NEBL: variants seen among roughly 807,000 people sequenced by gnomAD.
NEBL encodes the protein LIM and SH3 protein 2.
NEBL carries 122 observed loss-of-function variants against 140.2 expected under a neutral mutation model. The observed-to-expected ratio is 0.87, with a 90% CI of 0.75 to 1.01. NEBL has a LOEUF of 1.01. Ranked by LOEUF, NEBL falls within the 50% of genes least tolerant of loss-of-function variation. The probability of loss-of-function intolerance (pLI) is 0.00; values close to 1 mark genes in which losing one functional copy is unlikely to be tolerated. For missense variants in NEBL, 1,365 were observed against 1,231.3 expected (o/e 1.11, Z -1.62); for synonymous variants, 436 against 398.9 (o/e 1.09, Z -1.11).
intron 1 of NEBL, among the ~76,000 whole-genome samples, chr10:21,287,794 C>T (rs896365815): frequency 1.3e-5 from 2 of 151,678 alleles, no homozygotes. Flanking sequence ...TCAACAACAA[C>T]AAAAAAATTG....
At chr10:21,253,253 A>G (rs932017008) in intron 1 of NEBL, among the ~76,000 whole-genome samples, 15 of 152,216 alleles carry the variant, frequency 9.9e-5, no homozygotes, top group African/African-American at 3.6e-4. Flanking sequence ...CCTGGGCGAC[A>G]AGAATGAAAC....
chr10:21,091,194 T>A (rs1344375016), intron 2 of NEBL, among the ~76,000 whole-genome samples: 2 of 152,206 alleles, frequency 1.3e-5, no homozygotes, highest in African/African-American at 4.8e-5. Flanking sequence ...AAGTTCGTGT[T>A]TCACATTTAG....
At chr10:21,033,416 T>C (rs1408609704) in intron 2 of NEBL, among the ~76,000 whole-genome samples, 1 of 152,254 alleles carries the variant, frequency 6.6e-6, no homozygotes, top group African/African-American at 2.4e-5. Flanking sequence ...AAAATAATTC[T>C]ATTTTTAAGA....
intron 4 of NEBL, among the ~76,000 whole-genome samples, chr10:20,918,910 G>A (rs563633991): frequency 2.7e-4 from 41 of 151,858 alleles, no homozygotes; most frequent in Admixed American, 1.1e-3. Flanking sequence ...TCTTAAAATC[G>A]TTCCCACTTA....
intron 4 of NEBL, among the ~76,000 whole-genome samples, chr10:20,933,721 G>T (rs1008072322): frequency 6.6e-6 from 1 of 152,228 alleles, no homozygotes; most frequent in Middle Eastern, 3.2e-3. Flanking sequence ...TTGGGTGACA[G>T]AGGGAGACTC....
intron 2 of NEBL, among the ~76,000 whole-genome samples, chr10:21,160,106 T>C (rs1336342137): frequency 2.0e-5 from 3 of 152,068 alleles, no homozygotes; most frequent in Non-Finnish European, 4.4e-5. Context: ...GCGACTGCTG[T>C]CTCCCATTCA....
intron 2 of NEBL, among the ~76,000 whole-genome samples, chr10:21,089,016 G>T (rs1836783023): frequency 1.3e-5 from 2 of 152,182 alleles, no homozygotes; most frequent in Admixed American, 1.3e-4. Flanking sequence ...GGGTCCCCTG[G>T]CACTCTCAAT....
chr10:20,992,856 C>T (rs1400239884), intron 3 of NEBL, among the ~76,000 whole-genome samples: 1 of 128,602 alleles, frequency 7.8e-6, no homozygotes. Context: ...CTGCTCACTG[C>T]AAGCTCCGCC....
At chr10:20,824,449 T>C (rs1839645653) in intron 18 of NEBL, among the ~76,000 whole-genome samples, 1 of 152,202 alleles carries the variant, frequency 6.6e-6, no homozygotes, top group Non-Finnish European at 1.5e-5. Flanking sequence ...GGAAGTTCAC[T>C]GAGACAGGCT....
chr10:21,242,745 A>T (rs181872413), intron 3 of NEBL, among the ~76,000 whole-genome samples: 77 of 152,354 alleles, frequency 5.1e-4, no homozygotes, highest in Admixed American at 1.8e-3. Flanking sequence ...GAAGCATTTC[A>T]ATATACCCAG....
At chr10:20,933,008 A>T (rs923516134) in intron 4 of NEBL, among the ~76,000 whole-genome samples, 1 of 152,242 alleles carries the variant, frequency 6.6e-6, no homozygotes, top group East Asian at 1.9e-4. Flanking sequence ...TAAATTAGGT[A>T]CATTAGATAC....
chr10:20,986,126 C>T (rs1372102823), intron 3 of NEBL, among the ~76,000 whole-genome samples: 1 of 152,174 alleles, frequency 6.6e-6, no homozygotes, highest in Non-Finnish European at 1.5e-5. Flanking sequence ...CATCATAATT[C>T]ATTGTCCTCC....
At chr10:21,169,068 ATATATATATATATATAT>A (rs1463133468) in intron 2 of NEBL, among the ~76,000 whole-genome samples, 15 of 18,046 alleles carry the variant, frequency 8.3e-4, no homozygotes, top group African/African-American at 1.1e-3. Context: ...AAAAAAAAAA[ATATATATATATATATAT>A]ATATATATAT....
rs145606889 is a variant in NEBL, at chr10:20,892,862, T to A, written c.154-2913A>T. ...CTGGAAAGGCTCTTCACAAGTGAAA[T>A]CATACAAGTTAAATTCAATACACCC... On this transcript the variant is annotated intron_variant, in intron 2 of 27. Coordinates refer to ENST00000377122, the MANE Select transcript of NEBL (RefSeq NM_006393.3). 4.4e-3 allele frequency among the ~76,000 whole-genome samples: 668 copies of A among 152,292 alleles called. 5 individuals carry two copies. Among genetic ancestry groups the A allele is most frequent in the Admixed American group, 9.8e-3 (149 of 15,282 alleles).
intron 7 of NEBL, among the ~76,000 whole-genome samples, chr10:20,863,772 G>A (rs929559425): frequency 1.3e-5 from 2 of 152,038 alleles, no homozygotes; most frequent in African/African-American, 2.4e-5. Context: ...AATGGATTTC[G>A]AAAACACACA....
intron 2 of NEBL, among the ~76,000 whole-genome samples, chr10:21,162,910 T>C (rs1162606791): frequency 1.3e-5 from 2 of 152,206 alleles, no homozygotes; most frequent in Non-Finnish European, 2.9e-5. Flanking sequence ...CAAATCACTG[T>C]GTCTAGTTAA....
In NEBL at chr10:21,034,998, G is replaced by A. The variant is rs189665286; in HGVS notation, c.165-14797C>T. On this transcript the variant is annotated intron_variant, in intron 2 of 6. Transcript: ENST00000417816. ...TATTTATTTATTTATTTTTGAGACA[G>A]AGTCTCACTCCATTGCCCAGGCTGG... 7.3e-3 allele frequency among the ~76,000 whole-genome samples: 1,109 copies of A among 151,096 alleles called. 7 individuals are homozygous for A. The highest frequency in any genetic ancestry group is 0.011 in the Non-Finnish European group (760 of 67,866).
At chr10:21,023,658 GCA>G (rs1310067216) in intron 2 of NEBL, among the ~76,000 whole-genome samples, 12 of 152,062 alleles carry the variant, frequency 7.9e-5, no homozygotes, top group Non-Finnish European at 1.8e-4. Flanking sequence ...TTGTGCCACT[GCA>G]CTCCAGCCTG....
chr10:21,136,523 C>G (rs1204940406), intron 2 of NEBL, among the ~76,000 whole-genome samples: 2 of 152,274 alleles, frequency 1.3e-5, no homozygotes, highest in Non-Finnish European at 2.9e-5. Flanking sequence ...AACCCTCACC[C>G]TCATCACCCA....
Sources: gnomAD v4.1 joint callset for allele counts (sites outside exome capture counted in the v4.1 genomes callset) on GRCh38, gnomAD v4.1.1 for gene constraint, MANE v1.5 for transcripts, NCBI Gene and HGNC (gene_info 2026-07-23, HGNC 2026-07-21) for gene names.